Variants in WWOX observed in about 807,000 individuals in gnomAD.
WWOX encodes WW domain containing oxidoreductase.
In WWOX, 69 loss-of-function variants were observed where a neutral mutation model predicts 46.2. The ratio of observed to expected loss-of-function variants is 1.49; its 90% CI spans 1.23 to 1.82. The LOEUF is 1.82. Ranked by LOEUF, WWOX falls within the 40% of genes most tolerant of loss-of-function variation. WWOX has a pLI of 0.00. For synonymous variants in WWOX, 359 were observed against 202.6 expected, an observed-to-expected ratio of 1.77 and a Z score of -6.56; for missense variants, 919 against 542.6, an observed-to-expected ratio of 1.69 and a Z score of -6.89.
intron 5 of WWOX, among the ~76,000 whole-genome samples, chr16:78,294,053 C>T (rs112824975): frequency 0.018 from 2,612 of 147,686 alleles, 92 homozygotes; most frequent in African/African-American, 0.061. Flanking sequence ...CGGATCCCTT[C>T]GTGTTTAGCA....
At chr16:78,163,372 C>G (rs2034861268) in intron 4 of WWOX, among the ~76,000 whole-genome samples, 1 of 152,176 alleles carries the variant, frequency 6.6e-6, no homozygotes, top group African/African-American at 2.4e-5. Flanking sequence ...GAGGGTATAA[C>G]TCTTTAGGAT....
At chr16:78,983,498 G>C (rs1290507568) in intron 8 of WWOX, among the ~76,000 whole-genome samples, 1 of 152,212 alleles carries the variant, frequency 6.6e-6, no homozygotes, top group Non-Finnish European at 1.5e-5. Flanking sequence ...GCTATGAAAA[G>C]AGAGGAAGGG....
intron 5 of WWOX, among the ~76,000 whole-genome samples, chr16:78,243,406 T>G (rs1475711009): frequency 6.6e-6 from 1 of 152,122 alleles, no homozygotes; most frequent in African/African-American, 2.4e-5. Flanking sequence ...TGCAGGGCTG[T>G]TAAATAGGTA....
At chr16:78,361,362 T>TC (rs1234687445) in intron 5 of WWOX, among the ~76,000 whole-genome samples, 1 of 152,202 alleles carries the variant, frequency 6.6e-6, no homozygotes, top group Non-Finnish European at 1.5e-5. Flanking sequence ...GCTGAGTTTT[T>TC]CCAATGTAAT....
At chr16:78,397,655 T>C (rs905256496) in intron 6 of WWOX, among the ~76,000 whole-genome samples, 8 of 152,156 alleles carry the variant, frequency 5.3e-5, no homozygotes, top group Admixed American at 2.0e-4. Context: ...ATGAGTAAAA[T>C]AGATGATGGA....
chr16:78,556,251 C>T (rs2044293820), intron 8 of WWOX, among the ~76,000 whole-genome samples: 1 of 150,532 alleles, frequency 6.6e-6, no homozygotes, highest in African/African-American at 2.5e-5. Context: ...GGGTACTTTC[C>T]CTCCTCCTCT....
intron 8 of WWOX, among the ~76,000 whole-genome samples, chr16:78,944,823 A>G (rs992118121): frequency 6.6e-6 from 1 of 152,170 alleles, no homozygotes; most frequent in African/African-American, 2.4e-5. Flanking sequence ...ACATTCCCAC[A>G]TAGCTGCTTC....
intron 8 of WWOX, among the ~76,000 whole-genome samples, chr16:78,770,624 G>A (rs1048094517): frequency 6.6e-6 from 1 of 152,166 alleles, no homozygotes; most frequent in Admixed American, 6.5e-5. Flanking sequence ...CTGGAAATCA[G>A]CCTGCAGGGG....
chr16:78,660,729 A>G (rs1567471447), intron 8 of WWOX, among the ~76,000 whole-genome samples: 1 of 152,230 alleles, frequency 6.6e-6, no homozygotes, highest in Non-Finnish European at 1.5e-5. Context: ...CAAAAGAGGC[A>G]GCCATCATTA....
At chr16:78,152,868 A>C (rs949885682) in intron 4 of WWOX, among the ~76,000 whole-genome samples, 3 of 151,774 alleles carry the variant, frequency 2.0e-5, no homozygotes, top group Non-Finnish European at 2.9e-5. Flanking sequence ...GATATTCCAC[A>C]TGAACTGACC....
chr16:78,946,732 G>C (rs1287313372), intron 8 of WWOX, among the ~76,000 whole-genome samples: 1 of 151,954 alleles, frequency 6.6e-6, no homozygotes, highest in Non-Finnish European at 1.5e-5. Flanking sequence ...TGAGAGTCAT[G>C]CGGGCCATAT....
intron 8 of WWOX, among the ~76,000 whole-genome samples, chr16:78,837,219 G>C (rs1284219892): frequency 6.6e-6 from 1 of 152,156 alleles, no homozygotes; most frequent in Non-Finnish European, 1.5e-5. Context: ...CAGAAGACTT[G>C]AGCTATGTAA....
rs146676911 is a variant in WWOX at position 79,094,360 on chromosome 16, C to T, written c.1057-117248C>T. Among the ~76,000 whole-genome samples the T allele has an allele frequency of 3.2e-3, 481 of 152,040 alleles. 2 individuals are homozygous for T. The highest frequency in any genetic ancestry group is 0.011 in the African/African-American group (460 of 41,446). The stretch of plus-strand genomic sequence containing the variant: ...ACTCCAACTGGTTCAAGCAATTCCC[C>T]TGCCTTAGCCTCCCAGGTAGTTGGG... On this transcript the variant is annotated intron_variant, in intron 8 of 8. Coordinates refer to ENST00000566780, the MANE Select transcript of WWOX (RefSeq NM_016373.4).
chr16:79,122,123 C>G (rs979659454), intron 8 of WWOX, among the ~76,000 whole-genome samples: 13 of 152,164 alleles, frequency 8.5e-5, no homozygotes, highest in African/African-American at 2.9e-4. Context: ...TGTTCCACCT[C>G]GGAGCGCGTG....
At chr16:78,650,346 C>G (rs529531013) in intron 8 of WWOX, among the ~76,000 whole-genome samples, 11 of 152,254 alleles carry the variant, frequency 7.2e-5, no homozygotes, top group African/African-American at 2.6e-4. Context: ...CAGATAATTT[C>G]TCTCTTAAAT....
intron 8 of WWOX, among the ~76,000 whole-genome samples, chr16:78,499,681 C>T (rs2085010823): frequency 6.6e-6 from 1 of 152,196 alleles, no homozygotes; most frequent in Non-Finnish European, 1.5e-5. Context: ...GGCTTTGACT[C>T]CTTAAGGATA....
intron 8 of WWOX, among the ~76,000 whole-genome samples, chr16:79,044,955 G>T (rs1208122334): frequency 6.6e-6 from 1 of 152,118 alleles, no homozygotes; most frequent in African/African-American, 2.4e-5. Flanking sequence ...ATGAGATAAT[G>T]TGCATAAAGA....
chr16:79,190,129 ATTC>A (rs1340804011), intron 8 of WWOX, among the ~76,000 whole-genome samples: 2 of 151,990 alleles, frequency 1.3e-5, no homozygotes, highest in South Asian at 2.1e-4. Context: ...GGTTAAAGCA[ATTC>A]TTCTGCCTCA....
chr16:79,054,844 A>G (rs1332564732), intron 8 of WWOX, among the ~76,000 whole-genome samples: 1 of 152,194 alleles, frequency 6.6e-6, no homozygotes, highest in Non-Finnish European at 1.5e-5. Context: ...ACAAAGAAAA[A>G]TCATAAAAGG....
Sources: allele counts gnomAD v4.1 joint callset (sites outside exome capture counted in the v4.1 genomes callset), GRCh38; gene constraint gnomAD v4.1.1; transcripts MANE v1.5; gene names NCBI Gene and HGNC (gene_info 2026-07-23, HGNC 2026-07-21).